Variants in KHDRBS2 observed in about 807,000 individuals in gnomAD.
The protein encoded by KHDRBS2 is KH RNA binding domain containing, signal transduction associated 2.
In KHDRBS2, 26 loss-of-function variants were observed where a neutral mutation model predicts 44.3. The ratio of observed to expected loss-of-function variants is 0.59; its 90% CI spans 0.43 to 0.81. The LOEUF (loss-of-function observed/expected upper bound fraction) is 0.81. Ranked by LOEUF, KHDRBS2 falls within the 40% of genes least tolerant of loss-of-function variation. The probability of loss-of-function intolerance (pLI) is 0.00; values close to 1 mark genes in which losing one functional copy is unlikely to be tolerated. For synonymous variants in KHDRBS2, 194 were observed against 151.1 expected (o/e 1.28, Z -2.08); for missense variants, 476 against 433.1 (o/e 1.10, Z -0.88).
chr6:61,650,620 T>TA, the KHDRBS2 span, among the ~76,000 whole-genome samples: 2 of 149,438 alleles, frequency 1.3e-5, no homozygotes, highest in African/African-American at 4.9e-5. Context: ...TTTTTTTTTT[T>TA]AATTAGGCCA....
chr6:61,954,310 T>C (rs1041700591), intron 4 of KHDRBS2, among the ~76,000 whole-genome samples: 9 of 150,918 alleles, frequency 6.0e-5, no homozygotes, highest in African/African-American at 2.0e-4. Context: ...TATATATACA[T>C]ATACATACAT....
At chr6:62,101,193 G>C (rs1423915756) in intron 2 of KHDRBS2, among the ~76,000 whole-genome samples, 1 of 151,966 alleles carries the variant, frequency 6.6e-6, no homozygotes, top group African/African-American at 2.4e-5. Flanking sequence ...AAATCTCCAA[G>C]TTTATACCTA....
chr6:61,628,276 T>TTA, the KHDRBS2 span, among the ~76,000 whole-genome samples: 1 of 146,294 alleles, frequency 6.8e-6, no homozygotes, highest in Middle Eastern at 3.5e-3. Context: ...TTAAACTGGC[T>TTA]TATCTTCACG....
At chr6:62,027,843 T>C (rs1420238513) in intron 3 of KHDRBS2, among the ~76,000 whole-genome samples, 2 of 152,130 alleles carry the variant, frequency 1.3e-5, no homozygotes, top group Non-Finnish European at 2.9e-5. Context: ...ATTTCTTCCA[T>C]CTTGCTGTTC....
chr6:61,998,566 T>C (rs1199179856), intron 3 of KHDRBS2, among the ~76,000 whole-genome samples: 1 of 152,108 alleles, frequency 6.6e-6, no homozygotes, highest in Non-Finnish European at 1.5e-5. Context: ...TTATCTTTAT[T>C]TTTGGAGGTC....
At chr6:62,061,804 G>C (rs1193805651) in intron 2 of KHDRBS2, among the ~76,000 whole-genome samples, 1 of 147,750 alleles carries the variant, frequency 6.8e-6, no homozygotes, top group Admixed American at 6.8e-5. Flanking sequence ...ATCACTTTCA[G>C]GTACACCAAT....
intron 1 of KHDRBS2, among the ~76,000 whole-genome samples, chr6:62,254,870 A>G (rs1030142871): frequency 2.0e-5 from 3 of 152,212 alleles, no homozygotes; most frequent in African/African-American, 7.2e-5. Context: ...AAGGATAAGA[A>G]TAATACATCA....
intron 1 of KHDRBS2, among the ~76,000 whole-genome samples, chr6:62,264,864 A>C (rs1252507685): frequency 3.3e-5 from 5 of 151,772 alleles, no homozygotes; most frequent in African/African-American, 1.2e-4. Flanking sequence ...GTGGCATTAA[A>C]GGTCCTGCTG....
intron 2 of KHDRBS2, among the ~76,000 whole-genome samples, chr6:62,065,735 T>C (rs1191646321): frequency 6.6e-6 from 1 of 150,552 alleles, no homozygotes; most frequent in Non-Finnish European, 1.5e-5. Flanking sequence ...TATACATATG[T>C]AACTAACCTG....
At chr6:61,688,262 A>T (rs767650869) in intron 8 of KHDRBS2, among the ~76,000 whole-genome samples, 1 of 151,988 alleles carries the variant, frequency 6.6e-6, no homozygotes, top group African/African-American at 2.4e-5. Context: ...TAGAGAAAGG[A>T]TTTTCAAAAT....
intron 1 of KHDRBS2, among the ~76,000 whole-genome samples, chr6:62,199,755 A>C (rs1826518823): frequency 1.3e-5 from 2 of 152,194 alleles, no homozygotes; most frequent in South Asian, 4.1e-4. Context: ...ACATGGAACC[A>C]AAAAAGAGCC....
chr6:61,740,099 T>C (rs970204064), intron 6 of KHDRBS2, among the ~76,000 whole-genome samples: 1 of 151,984 alleles, frequency 6.6e-6, no homozygotes, highest in South Asian at 2.1e-4. Context: ...TCCAAGAGTA[T>C]GTAACAGGTG....
At chr6:61,819,846 A>G (rs1789603435) in intron 6 of KHDRBS2, among the ~76,000 whole-genome samples, 1 of 152,032 alleles carries the variant, frequency 6.6e-6, no homozygotes, top group South Asian at 2.1e-4. Flanking sequence ...TAAGAATAAA[A>G]TGGCCAAGCC....
chr6:62,180,406 T>C (rs973214644), intron 1 of KHDRBS2, among the ~76,000 whole-genome samples: 1 of 151,748 alleles, frequency 6.6e-6, no homozygotes, highest in African/African-American at 2.4e-5. Context: ...AGCAACAAAC[T>C]ATCCAAAAAA....
intron 6 of KHDRBS2, among the ~76,000 whole-genome samples, chr6:61,875,857 CTTATAT>C (rs1455866309): frequency 6.6e-6 from 1 of 151,918 alleles, no homozygotes; most frequent in Non-Finnish European, 1.5e-5. Context: ...TAATTACCCT[CTTATAT>C]TTATTTATTA....
chr6:61,618,615 C>T, the KHDRBS2 span, among the ~76,000 whole-genome samples: 3 of 152,092 alleles, frequency 2.0e-5, no homozygotes, highest in South Asian at 4.1e-4. Context: ...TGTTCCTCTC[C>T]CTCTTCACAC....
chr6:61,861,679 T>C (rs1017146263), intron 6 of KHDRBS2, among the ~76,000 whole-genome samples: 20 of 151,912 alleles, frequency 1.3e-4, no homozygotes, highest in African/African-American at 4.1e-4. Context: ...TTTCTTAGGA[T>C]TGCCTTGGCT....
At chr6:61,823,328 G>A (rs1346380790) in intron 6 of KHDRBS2, among the ~76,000 whole-genome samples, 4 of 151,944 alleles carry the variant, frequency 2.6e-5, no homozygotes, top group Admixed American at 1.3e-4. Flanking sequence ...TATAATTTTT[G>A]ATATTAAGCT....
chr6:61,976,527 C>T (rs1352466073), intron 4 of KHDRBS2, among the ~76,000 whole-genome samples: 1 of 151,890 alleles, frequency 6.6e-6, no homozygotes, highest in Non-Finnish European at 1.5e-5. Flanking sequence ...AAAATCATCC[C>T]TTGATATTTC....
Sources: gnomAD v4.1 joint callset for allele counts (sites outside exome capture counted in the v4.1 genomes callset) on GRCh38, gnomAD v4.1.1 for gene constraint, MANE v1.5 for transcripts, NCBI Gene and HGNC (gene_info 2026-07-23, HGNC 2026-07-21) for gene names.